The following TECTA variants were observed in gnomAD, a reference collection of about 807,000 sequenced individuals.
TECTA encodes the protein alpha-tectorin.
Under a neutral mutation model 216.8 loss-of-function variants are expected in TECTA, and 128 were observed. The observed-to-expected ratio is 0.59, with a 90% CI of 0.51 to 0.68. The LOEUF is 0.68. Ranked by LOEUF, TECTA falls within the 30% of genes least tolerant of loss-of-function variation. The probability of loss-of-function intolerance (pLI) is 0.00; values close to 1 mark genes in which losing one functional copy is unlikely to be tolerated. For synonymous variants in TECTA, 1,089 were observed against 1,117.1 expected, an observed-to-expected ratio of 0.97 and a Z score of 0.50; for missense variants, 2,551 against 2,786.2, an observed-to-expected ratio of 0.92 and a Z score of 1.90.
At chr11:121,123,952 C>T (rs1373996844) in intron 7 of TECTA, among the ~76,000 whole-genome samples, 2 of 152,168 alleles carry the variant, frequency 1.3e-5, no homozygotes, top group African/African-American at 4.8e-5. Context: ...GCTGCTGTTC[C>T]CTCCTCAAGA....
chr11:121,107,494 G>T (rs1293745119), intron 3 of TECTA, among the ~76,000 whole-genome samples: 1 of 152,152 alleles, frequency 6.6e-6, no homozygotes, highest in Non-Finnish European at 1.5e-5. Flanking sequence ...ACCTACCCTT[G>T]GTCCAGGCCT....
Position 121,187,852 on chromosome 11 carries a change from A to T in TECTA, c.6020A>T (p.Asn2007Ile), listed in dbSNP as rs1333679585. 6.2e-7 allele frequency: 1 copy of T among 1,614,226 alleles called. No homozygotes were observed. The highest frequency in any genetic ancestry group is 8.5e-7 in the Non-Finnish European group (1 of 1,180,030). The change falls in exon 21 of 24, where the codon AAC becomes ATC. Residue 2007 changes from asparagine (N) to isoleucine (I), a missense_variant. Around this residue, in one of 3 missense-constraint regions of TECTA, gnomAD observed 58 missense variants for 105.9 expected, o/e 0.55. Coordinates refer to ENST00000392793, the MANE Select transcript of TECTA (RefSeq NM_005422.4). ...AATAGGTGTCAGAACCTCAAAGATA[A>T]CACCATTGGCATCGAGGAGAATGCA... The part of the protein sequence containing the change: ...IEGGCQNLKD[N>I]TIGIEENAVS...
intron 7 of TECTA, among the ~76,000 whole-genome samples, chr11:121,122,917 A>G (rs1237013176): frequency 6.6e-6 from 1 of 152,158 alleles, no homozygotes; most frequent in East Asian, 1.9e-4. Context: ...TTTGAAGTAC[A>G]TTCTAGCAAA....
chr11:121,137,377 T>C, intron 10 of TECTA, 44 bp from the exon 11 acceptor site: 1 of 1,613,304 alleles, frequency 6.2e-7, no homozygotes, highest in Non-Finnish European at 8.5e-7. Context: ...TGTCTCTGAC[T>C]TTTGTCCTTT....
intron 20 of TECTA, among the ~76,000 whole-genome samples, chr11:121,169,797 G>A (rs985084957): frequency 2.0e-5 from 3 of 152,134 alleles, no homozygotes; most frequent in Admixed American, 6.5e-5. Flanking sequence ...CATTAAATGT[G>A]TAGTGCTCAG....
In TECTA at chr11:121,109,282, A is replaced by G; in HGVS notation, c.270A>G (p.Thr90=). 1 of 1,614,204 alleles carries G rather than the reference A, an allele frequency of 6.2e-7. No individual in the cohort carries two copies. The highest frequency in any genetic ancestry group is 8.5e-7 in the Non-Finnish European group (1 of 1,180,026). ...SQFTPESFPL[T]DGRAFVAPFW... is the part of the protein sequence containing the mutation. ...TCACGCCAGAATCCTTTCCCCTGAC[A>G]GATGGGAGAGCCTTCGTCGCCCCAT... The change falls in exon 4 of 24, where the codon ACA becomes ACG. Residue 90 remains threonine (T), a synonymous_variant. Transcript: ENST00000392793.
intron 23 of TECTA, 182 bp downstream of exon 23, chr11:121,190,062 A>G: frequency 1.7e-6 from 1 of 605,568 alleles, no homozygotes; most frequent in African/African-American, 1.9e-5. Context: ...ACAAACAAAC[A>G]AACAACAACA....
At chr11:121,103,750 A>G (rs764511270) in intron 2 of TECTA, among the ~76,000 whole-genome samples, 19 of 152,126 alleles carry the variant, frequency 1.2e-4, no homozygotes, top group Non-Finnish European at 2.8e-4. Flanking sequence ...TGCAGTGTTA[A>G]TTACCGTAGT....
intron 11 of TECTA, 111 bp downstream of exon 11, chr11:121,138,133 A>T: frequency 6.8e-7 from 1 of 1,468,956 alleles, no homozygotes; most frequent in Non-Finnish European, 9.3e-7. Context: ...AGAAAATCTT[A>T]GTATATTAAA....
intron 12 of TECTA, among the ~76,000 whole-genome samples, chr11:121,148,574 T>C (rs1282044176): frequency 6.6e-6 from 1 of 152,132 alleles, no homozygotes; most frequent in Non-Finnish European, 1.5e-5. Flanking sequence ...CTGTATCTGA[T>C]GTGACTCCCC....
intron 18 of TECTA, among the ~76,000 whole-genome samples, 185 bp from the exon 19 acceptor site, chr11:121,167,869 T>A (rs1404006762): frequency 1.3e-5 from 2 of 152,210 alleles, no homozygotes; most frequent in Non-Finnish European, 2.9e-5. Flanking sequence ...GTGCTGCTGA[T>A]ATCTATTGTA....
chr11:121,181,678 A>G (rs926250411), intron 20 of TECTA, among the ~76,000 whole-genome samples: 6 of 152,110 alleles, frequency 3.9e-5, no homozygotes, highest in African/African-American at 1.4e-4. Context: ...CATGTTGGTC[A>G]AGCTATCTCA....
At chr11:121,103,298 T>C (rs977546671) in intron 2 of TECTA, among the ~76,000 whole-genome samples, 2 of 152,204 alleles carry the variant, frequency 1.3e-5, no homozygotes, top group African/African-American at 4.8e-5. Flanking sequence ...TTTTCTACTG[T>C]TGTTTTGGAT....
In TECTA at chr11:121,129,880, C is replaced by T; in HGVS notation, c.2610C>T (p.Asn870=). Residue 870 remains asparagine (N), a synonymous_variant, in exon 10 of 24, where the codon AAC becomes AAT. Coordinates refer to ENST00000392793, the MANE Select transcript of TECTA (RefSeq NM_005422.4). The stretch of plus-strand genomic sequence containing the variant: ...TCCCCAACGGCAAGTGCACGGACAA[C>T]CTGGCAGTGTTCCTGGAAAGCTGGA... ...FCLPNGKCTD[N]LAVFLESWTT... The T allele has an allele frequency of 6.2e-7, 1 of 1,614,188 alleles. No individual in the cohort carries two copies. Among genetic ancestry groups the T allele is most frequent in the South Asian group, 1.1e-5 (1 of 91,082 alleles).
intron 12 of TECTA, among the ~76,000 whole-genome samples, chr11:121,151,836 A>G (rs966221803): frequency 6.6e-6 from 1 of 152,246 alleles, no homozygotes; most frequent in Non-Finnish European, 1.5e-5. Context: ...GATACTGTAT[A>G]GGGTATAGGG....
intron 7 of TECTA, among the ~76,000 whole-genome samples, chr11:121,122,845 C>G (rs936956847): frequency 2.2e-5 from 2 of 89,716 alleles, no homozygotes; most frequent in Admixed American, 2.1e-4. Flanking sequence ...AGAGCAAGAC[C>G]CTGTTTCAAA....
intron 13 of TECTA, among the ~76,000 whole-genome samples, chr11:121,157,382 A>T (rs940562104): frequency 2.0e-5 from 3 of 152,066 alleles, no homozygotes; most frequent in African/African-American, 7.2e-5. Flanking sequence ...AGGCAGGAGG[A>T]TCACTCGAGC....
intron 20 of TECTA, among the ~76,000 whole-genome samples, chr11:121,169,186 A>G (rs1014927006): frequency 2.6e-5 from 4 of 152,360 alleles, no homozygotes; most frequent in South Asian, 4.1e-4. Context: ...CATTAACTAC[A>G]GATGCTTTAT....
chr11:121,180,891 G>A (rs1279645089), intron 20 of TECTA, among the ~76,000 whole-genome samples: 1 of 148,266 alleles, frequency 6.7e-6, no homozygotes, highest in Non-Finnish European at 1.5e-5. Context: ...ATTCTGGCCA[G>A]GCACAGTGGC....
Sources: gnomAD v4.1 joint callset for allele counts (sites outside exome capture counted in the v4.1 genomes callset) on GRCh38, gnomAD v4.1.1 for gene constraint, gnomAD v4.1.1 regional missense constraint, MANE v1.5 for transcripts, NCBI Gene and HGNC (gene_info 2026-07-23, HGNC 2026-07-21) for gene names.